AKAP1: variants seen among roughly 807,000 people sequenced by gnomAD.
AKAP1 encodes A-kinase anchoring protein 1, also known as A-kinase anchor protein 1, mitochondrial.
A neutral mutation model predicts 79.8 loss-of-function variants in AKAP1; 32 were observed. That is an observed-to-expected ratio of 0.40 (90% CI 0.30 to 0.54). AKAP1 has a LOEUF of 0.54. AKAP1 is among the 20% of genes least tolerant of loss of function. The probability of loss-of-function intolerance (pLI) is 0.47; values close to 1 mark genes in which losing one functional copy is unlikely to be tolerated. For missense variants in AKAP1, 961 were observed against 1,138.9 expected (o/e 0.84, Z 2.25); for synonymous variants, 416 against 466.7 (o/e 0.89, Z 1.40).
intron 1 of AKAP1, chr17:57,094,355 T>C (rs1913962402): frequency 6.6e-6 from 1 of 152,340 alleles, no homozygotes; most frequent in Non-Finnish European, 1.5e-5. Context: ...AGCCCATCGT[T>C]CAGTAGCTTG....
intron 1 of AKAP1, among the ~76,000 whole-genome samples, chr17:57,090,400 CGAGTA>C (rs780510354): frequency 6.6e-6 from 1 of 151,918 alleles, no homozygotes; most frequent in Non-Finnish European, 1.5e-5. Context: ...AAACAAGATC[CGAGTA>C]GAGTAAACTG....
At chr17:57,108,085 G>A (rs1915008556) in intron 2 of AKAP1, 1 of 1,129,272 alleles carries the variant, frequency 8.9e-7, no homozygotes, top group South Asian at 1.6e-5. Context: ...CAGGCACCCT[G>A]GGGTGTTTTC....
intron 8 of AKAP1, 41 bp downstream of exon 8, chr17:57,116,968 A>C (rs768515780): frequency 6.4e-7 from 1 of 1,570,970 alleles, no homozygotes; most frequent in South Asian, 1.1e-5. Flanking sequence ...TGTTGGGGAC[A>C]GTTGTTGAGA....
rs1447028108 is a variant in AKAP1 at position 57,120,842 on chromosome 17, C to T, written c.*518C>T. On this transcript the variant is annotated 3_prime_UTR_variant, in exon 11 of 11. Transcript: ENST00000337714. ...ATATTTAACCAGTTTTTATAAACTT[C>T]ATTTAGGTCTCTAAACACAGACTTT... 1 of 152,848 alleles carries T rather than the reference C, an allele frequency of 6.5e-6. No individual in the cohort carries two copies. Among genetic ancestry groups the T allele is most frequent in the Non-Finnish European group, 1.5e-5 (1 of 68,190 alleles). The allele number at this position is 152,848 out of a possible 1,614,324, so 9.5% of individuals were successfully genotyped here.
At chr17:57,100,868 A>T (rs1914464558) in intron 1 of AKAP1, among the ~76,000 whole-genome samples, 1 of 152,170 alleles carries the variant, frequency 6.6e-6, no homozygotes, top group South Asian at 2.1e-4. Flanking sequence ...TGTCTCTACT[A>T]AAAATACAAA....
Position 57,105,801 on chromosome 17 carries a change from A to C in AKAP1, c.337A>C (p.Asn113His). Residue 113 changes from asparagine to histidine, a missense_variant, in exon 2 of 11, where the codon AAC becomes CAC. Asn to His is a moderately conservative substitution (Grantham distance 68). This residue lies in a region of AKAP1 where 108 missense variants were observed against 147.6 expected (regional missense o/e 0.73). Coordinates refer to ENST00000337714, the MANE Select transcript of AKAP1 (RefSeq NM_003488.4). ...RRSESSGILP[N>H]TTDMRLRPGT... ...ATCAGAGTCCTCGGGCATTCTTCCT[A>C]ACACCACAGACATGAGATTGCGACC... The C allele has an allele frequency of 1.2e-6, 2 of 1,614,170 alleles. No individual in the cohort carries two copies. The highest frequency in any genetic ancestry group is 1.7e-6 in the Non-Finnish European group (2 of 1,180,032).
rs1914923670 is a variant in AKAP1, at chr17:57,106,939, C to CAA, written c.1476_1477insAA (p.Asp493LysfsTer57). On this transcript the variant is annotated frameshift_variant, in exon 2 of 11. Transcript: ENST00000337714. LOFTEE classifies it high-confidence loss of function. ...GATGCCACCTGTGTCACCTGCATGTCAGACAGCAGCCAAAGTGTCCCTTTG... is the reference window on the plus strand; with the variant it reads ...GATGCCACCTGTGTCACCTGCATGTCAAAGACAGCAGCCAAAGTGTCCCTTTG... 5 of 1,614,066 alleles carry CAA rather than the reference C, an allele frequency of 3.1e-6. No individual in the cohort carries two copies. Among genetic ancestry groups the CAA allele is most frequent in the Non-Finnish European group, 3.4e-6 (4 of 1,179,890 alleles).
chr17:57,110,423 G>A (rs113339535), intron 3 of AKAP1, among the ~76,000 whole-genome samples: 2 of 152,094 alleles, frequency 1.3e-5, no homozygotes, highest in African/African-American at 2.4e-5. Flanking sequence ...GTCTCCCTTG[G>A]GGGTGGTTCT....
rs200682703 is a variant in AKAP1, at chr17:57,107,020, C to T, written c.1556C>T (p.Ser519Phe). The change falls in exon 2 of 11, where the codon TCT becomes TTT. Residue 519 changes from serine (S) to phenylalanine (F), a missense_variant. Ser to Phe is a radical substitution (Grantham distance 155). Around this residue, in one of 3 missense-constraint regions of AKAP1, gnomAD observed 629 missense variants for 781.1 expected, o/e 0.81. Coordinates refer to ENST00000337714, the MANE Select transcript of AKAP1 (RefSeq NM_003488.4). Reference sequence around the variant, plus strand: ...TTCAGCACTTCAGGGCTTGAAGACTCTTGCACAGAGACCAGCTCGAGCCCC... The same window carrying T: ...TTCAGCACTTCAGGGCTTGAAGACTTTTGCACAGAGACCAGCTCGAGCCCC... ...DSFSTSGLED[S>F]CTETSSSPRD... The T allele has an allele frequency of 8.1e-6, 13 of 1,614,080 alleles. No homozygotes were observed. The highest frequency in any genetic ancestry group is 1.1e-5 in the Non-Finnish European group (13 of 1,180,054).
chr17:57,110,802 A>G lies in AKAP1; in HGVS notation c.1848+644A>G, dbSNP rs190712789. 4.6e-3 allele frequency among the ~76,000 whole-genome samples: 697 copies of G among 152,340 alleles called. 2 individuals carry two copies. The highest frequency in any genetic ancestry group is 7.4e-3 in the Admixed American group (113 of 15,306). On this transcript the variant is annotated intron_variant, in intron 3 of 10. Transcript: ENST00000337714. ...CTGCATTATTCACTGTGTGGATGTC[A>G]GTTTACTTCATCAGTCCCCCATTCC...
In AKAP1 at chr17:57,098,813, C is replaced by T. The variant is rs564396230; in HGVS notation, c.-24-6628C>T. ...GTCTCACTCTGTTGCCCAGGCTGGA[C>T]TGCAGTGGTGCGATCTCAGCTCACT... On this transcript the variant is annotated intron_variant, in intron 1 of 10. Coordinates refer to ENST00000337714, the MANE Select transcript of AKAP1 (RefSeq NM_003488.4). Among the ~76,000 whole-genome samples, 60 of 146,614 alleles carry T rather than the reference C, an allele frequency of 4.1e-4. 1 individual carries two copies. The highest frequency in any genetic ancestry group is 4.1e-3 in the Admixed American group (59 of 14,440).
At chr17:57,099,423 G>T (rs755236904) in intron 1 of AKAP1, among the ~76,000 whole-genome samples, 1 of 152,180 alleles carries the variant, frequency 6.6e-6, no homozygotes, top group Non-Finnish European at 1.5e-5. Flanking sequence ...CTCAGCCTTG[G>T]GTCTCTGGCT....
rs1258291257 is a variant in AKAP1, at chr17:57,116,148, C to T, written c.2319C>T (p.Ala773=). ...GTGCCGCCCCTGGTGCGGACGGGGC[C>T]TGGTGGCGAGCCCAAGTGGTTGCCT... ...VICAAPGADG[A]WWRAQVVASY... The change falls in exon 7 of 11, where the codon GCC becomes GCT. Residue 773 remains alanine (A), a synonymous_variant. Transcript: ENST00000337714. The T allele has an allele frequency of 2.5e-6, 4 of 1,614,018 alleles. No homozygotes were observed. Among genetic ancestry groups the T allele is most frequent in the Middle Eastern group, 1.6e-4 (1 of 6,062 alleles).
intron 1 of AKAP1, among the ~76,000 whole-genome samples, chr17:57,090,615 TAA>T (rs1913729737): frequency 6.6e-6 from 1 of 152,240 alleles, no homozygotes; most frequent in Admixed American, 6.5e-5. Flanking sequence ...GAGTCTGACT[TAA>T]GTGTGTTCAG....
At chr17:57,088,657 C>T (rs1472035873) in intron 1 of AKAP1, among the ~76,000 whole-genome samples, 1 of 152,236 alleles carries the variant, frequency 6.6e-6, no homozygotes, top group African/African-American at 2.4e-5. Context: ...CCTAATCTTT[C>T]TGCTGCTTTC....
rs139476879 is a variant in AKAP1, at chr17:57,114,557, C to T, written c.2202C>T (p.His734=). 1.4e-4 allele frequency: 226 copies of T among 1,614,212 alleles called. 1 individual carries two copies. The African/African-American group carries it at 1.7e-3, about 12-fold the overall frequency. ...AGCAGCACACACACCCTACCTTCCA[C>T]GCGCTGCGCAGCCTCGACCAGCAGA... ...FVQQHTHPTF[H]ALRSLDQQMY... is the part of the protein sequence containing the mutation. Residue 734 remains histidine, a synonymous_variant, in exon 6 of 11, where the codon CAC becomes CAT. Transcript: ENST00000337714.
At position 57,112,552 on chromosome 17, in the gene AKAP1, C is replaced by G. The variant is rs139228347; in HGVS notation, c.2037C>G (p.Asn679Lys). The G allele has an allele frequency of 6.2e-7, 1 of 1,614,176 alleles. No homozygotes were observed. The change falls in exon 5 of 11, where the codon AAC becomes AAG. Residue 679 changes from asparagine to lysine, a missense_variant. Asn to Lys is a moderately conservative substitution (Grantham distance 94). Around this residue, in one of 3 missense-constraint regions of AKAP1, gnomAD observed 629 missense variants for 781.1 expected, o/e 0.81. Transcript: ENST00000337714. ...TTGGGAAGAAGTTCAAAGAGCTGAA[C>G]CTCACCAATATCTACGCTCCCCCAT... is the stretch of plus-strand genomic sequence containing the variant. ...NLIGKKFKEL[N>K]LTNIYAPPLP...
chr17:57,099,482 T>G (rs974571405), intron 1 of AKAP1, among the ~76,000 whole-genome samples: 3 of 152,056 alleles, frequency 2.0e-5, no homozygotes, highest in African/African-American at 7.2e-5. Flanking sequence ...GCACTGGGAA[T>G]TTAGGTGGGA....
rs1356751987 is a variant in AKAP1, at chr17:57,121,276, T to C, written c.*952T>C. 2 of 151,782 alleles carry C rather than the reference T, an allele frequency of 1.3e-5. No homozygotes were observed. Among genetic ancestry groups the C allele is most frequent in the African/African-American group, 4.9e-5 (2 of 41,072 alleles). The allele number at this position is 151,782 out of a possible 1,614,324, so 9.4% of individuals were successfully genotyped here. ...TGCAGTGGTGTGTTTGATTCTTTTT[T>C]AGACTGGCTTCAGCATTGTGCAGTT... On this transcript the variant is annotated 3_prime_UTR_variant, in exon 11 of 11. Coordinates refer to ENST00000337714, the MANE Select transcript of AKAP1 (RefSeq NM_003488.4).
Sources: gnomAD v4.1 joint callset for allele counts (sites outside exome capture counted in the v4.1 genomes callset) on GRCh38, gnomAD v4.1.1 for gene constraint, gnomAD v4.1.1 regional missense constraint, MANE v1.5 for transcripts, NCBI Gene and HGNC (gene_info 2026-07-23, HGNC 2026-07-21) for gene names.